Variants in SUCO observed in about 807,000 individuals in gnomAD.
SUCO encodes SUN domain-containing ossification factor.
A neutral mutation model predicts 148.1 loss-of-function variants in SUCO; 57 were observed. The observed-to-expected ratio is 0.38, with a 90% confidence interval of 0.31 to 0.48. The LOEUF is 0.48. Among genes scored for constraint, SUCO ranks in the 20% least tolerant of loss-of-function variants. The pLI is 0.96. For synonymous variants in SUCO, 470 were observed against 502.7 expected (o/e 0.93, Z 0.87); for missense variants, 1,331 against 1,468.2 (o/e 0.91, Z 1.53).
intron 22 of SUCO, among the ~76,000 whole-genome samples, chr1:172,607,074 A>C (rs1657909633): frequency 6.6e-6 from 1 of 151,972 alleles, no homozygotes; most frequent in South Asian, 2.1e-4. Context: ...AGATATTTTC[A>C]AGCTTATTTT....
In SUCO at chr1:172,570,720, A is replaced by G; in HGVS notation, c.1039A>G (p.Thr347Ala). 1.9e-6 allele frequency: 3 copies of G among 1,604,536 alleles called. No homozygotes were observed. Among genetic ancestry groups the G allele is most frequent in the East Asian group, 4.5e-5 (2 of 44,672 alleles). ...TCTTTACATGTTGAATCCTTGCAGC[A>G]CTAAAATTTGGTGAGTTATACACAA... ...MDLYMLNPCS[T>A]KIWFVIELCE... is the part of the protein sequence containing the mutation. Residue 347 changes from threonine (T) to alanine (A), a missense_variant, in exon 9 of 24, where the codon ACT becomes GCT. By Grantham distance (58) the Thr-to-Ala change is moderately conservative. This residue lies in a region of SUCO where 992 missense variants were observed against 1,093.5 expected (regional missense o/e 0.91). Coordinates refer to ENST00000263688, the MANE Select transcript of SUCO (RefSeq NM_014283.5).
At chr1:172,590,767 T>C (rs549957802) in intron 18 of SUCO, among the ~76,000 whole-genome samples, 1 of 152,276 alleles carries the variant, frequency 6.6e-6, no homozygotes, top group African/African-American at 2.4e-5. Flanking sequence ...TACCTGCTCT[T>C]ACTTTTCCCT....
At chr1:172,591,684 G>A (rs1015605752) in intron 19 of SUCO, among the ~76,000 whole-genome samples, 1 of 151,870 alleles carries the variant, frequency 6.6e-6, no homozygotes, top group African/African-American at 2.4e-5. Context: ...TATCATTGTT[G>A]GACATTTGGG....
chr1:172,544,233 G>C, intron 1 of SUCO: 1 of 565,904 alleles, frequency 1.8e-6, no homozygotes, highest in Non-Finnish European at 2.2e-6. Flanking sequence ...TTGTTGCCTA[G>C]TTTAGTTATT....
At chr1:172,571,665 C>CCCGG (rs1353466973) in intron 9 of SUCO, among the ~76,000 whole-genome samples, 1 of 124,756 alleles carries the variant, frequency 8.0e-6, no homozygotes, top group Non-Finnish European at 1.7e-5. Context: ...AGCTTCTCTG[C>CCCGG]CCGGCCGCCC....
chr1:172,542,858 A>T (rs1015121835), intron 1 of SUCO: 1 of 985,324 alleles, frequency 1.0e-6, no homozygotes, highest in African/African-American at 1.7e-5. Context: ...GAAGTCATTT[A>T]AGTGGTCAAC....
chr1:172,554,509 A>G (rs1292991685), intron 3 of SUCO, among the ~76,000 whole-genome samples: 1 of 152,144 alleles, frequency 6.6e-6, no homozygotes, highest in African/African-American at 2.4e-5. Context: ...GGCCGGGCAC[A>G]GTGGATCACC....
chr1:172,564,144 G>T (rs1392893130), intron 6 of SUCO, among the ~76,000 whole-genome samples: 1 of 152,250 alleles, frequency 6.6e-6, no homozygotes, highest in Non-Finnish European at 1.5e-5. Context: ...TCTGCTGCAG[G>T]GACAGAGCCG....
chr1:172,599,560 A>G, intron 19 of SUCO: 2 of 201,844 alleles, frequency 9.9e-6, no homozygotes, highest in Non-Finnish European at 1.8e-5. Context: ...TGGATGAACA[A>G]TTATGGATAT....
At chr1:172,568,837 C>T (rs1272509752) in intron 6 of SUCO, among the ~76,000 whole-genome samples, 182 bp from the exon 7 acceptor site, 1 of 152,046 alleles carries the variant, frequency 6.6e-6, no homozygotes, top group East Asian at 1.9e-4. Context: ...TAAATTATCT[C>T]AAGAGAAATT....
At chr1:172,580,774 T>A (rs768991194) in intron 15 of SUCO, among the ~76,000 whole-genome samples, 5 of 152,158 alleles carry the variant, frequency 3.3e-5, no homozygotes, top group African/African-American at 4.8e-5. Flanking sequence ...TCTTGCTATA[T>A]CTTCCTATGT....
At chr1:172,601,176 G>A (rs1249844715) in intron 20 of SUCO, among the ~76,000 whole-genome samples, 1 of 152,194 alleles carries the variant, frequency 6.6e-6, no homozygotes, top group Non-Finnish European at 1.5e-5. Flanking sequence ...AGGAGCAGAA[G>A]CAGACAGGAA....
Position 172,575,605 on chromosome 1 carries a change from G to A in SUCO, c.1245G>A (p.Met415Ile), listed in dbSNP as rs771499139. Reference protein sequence around the residue: ...NVQSFPLDEQMYAKYVKMFIK... With the variant: ...NVQSFPLDEQIYAKYVKMFIK... ...AGAGTTTCCCTTTAGATGAACAGAT[G>A]TATGCAAAATATGTCAAGGTAATGT... The change falls in exon 11 of 24, where the codon ATG becomes ATA. Residue 415 changes from methionine (M) to isoleucine (I), a missense_variant. By Grantham distance (10) the Met-to-Ile change is conservative (BLOSUM62 1). Around this residue, in one of 3 missense-constraint regions of SUCO, gnomAD observed 992 missense variants for 1,093.5 expected, o/e 0.91. Transcript: ENST00000263688. 6.8e-6 allele frequency: 11 copies of A among 1,609,508 alleles called. No individual in the cohort carries two copies. Among genetic ancestry groups the A allele is most frequent in the Non-Finnish European group, 9.3e-6 (11 of 1,176,474 alleles).
chr1:172,553,402 T>C (rs1235697920), intron 3 of SUCO, 32 bp downstream of exon 3: 7 of 1,464,020 alleles, frequency 4.8e-6, no homozygotes, highest in Non-Finnish European at 6.6e-6. Context: ...TTCAATAATA[T>C]GTCATTTCAA....
chr1:172,589,814 G>C lies in SUCO; in HGVS notation c.2713G>C (p.Val905Leu), dbSNP rs762781875. Residue 905 changes from valine (V) to leucine (L), a missense_variant, in exon 18 of 24, where the codon GTA (valine) becomes CTA (leucine). Physicochemically the swap from Val to Leu is conservative, Grantham distance 32. Transcript: ENST00000263688. ...TDLGYANGNL[V>L]HGSNQKESVF... The stretch of plus-strand genomic sequence containing the variant: ...TCTAGGATATGCTAATGGAAATCTT[G>C]TACATGGATCAAACCAAAAGGAGTC... 1.2e-6 allele frequency: 2 copies of C among 1,610,764 alleles called. No homozygotes were observed. Among genetic ancestry groups the C allele is most frequent in the Non-Finnish European group, 1.7e-6 (2 of 1,178,958 alleles).
intron 21 of SUCO, 57 bp from the exon 22 acceptor site, chr1:172,602,639 G>A: frequency 2.5e-6 from 4 of 1,591,464 alleles, no homozygotes; most frequent in Non-Finnish European, 3.4e-6. Flanking sequence ...CAACAAAAGA[G>A]TAAATTATAT....
chr1:172,564,605 CTTT>C (rs57265081), intron 6 of SUCO, among the ~76,000 whole-genome samples: 1 of 144,566 alleles, frequency 6.9e-6, no homozygotes, highest in African/African-American at 2.5e-5. Context: ...TTCAGTTAAA[CTTT>C]TTTTTTTTTT....
chr1:172,577,399 G>C (rs1655526567), intron 11 of SUCO, 140 bp from the exon 12 acceptor site: 2 of 756,624 alleles, frequency 2.6e-6, no homozygotes, highest in African/African-American at 3.6e-5. Flanking sequence ...AAGGAATTAA[G>C]AATACTACAG....
At chr1:172,550,855 T>C in intron 1 of SUCO, 1 of 969,960 alleles carries the variant, frequency 1.0e-6, no homozygotes, top group Non-Finnish European at 1.2e-6. Flanking sequence ...TTCCTTGATA[T>C]TTTTGCATAG....
Sources: gnomAD v4.1 joint callset for allele counts (sites outside exome capture counted in the v4.1 genomes callset) on GRCh38, gnomAD v4.1.1 for gene constraint, gnomAD v4.1.1 regional missense constraint, MANE v1.5 for transcripts, NCBI Gene and HGNC (gene_info 2026-07-23, HGNC 2026-07-21) for gene names.